ABCA7: variants seen among roughly 807,000 people sequenced by gnomAD.
The protein encoded by ABCA7 is phospholipid-transporting ATPase ABCA7.
ABCA7 carries 261 observed loss-of-function variants against 227.6 expected under a neutral mutation model. The ratio of observed to expected loss-of-function variants is 1.15; its 90% CI spans 1.04 to 1.27. The LOEUF is 1.27. ABCA7 is among the 50% of genes most tolerant of loss of function. The probability of loss-of-function intolerance (pLI) is 0.00; values close to 1 mark genes in which losing one functional copy is unlikely to be tolerated. For synonymous variants in ABCA7, 1,488 were observed against 1,279.7 expected, an observed-to-expected ratio of 1.16 and a Z score of -3.47; for missense variants, 3,331 against 2,924.5, an observed-to-expected ratio of 1.14 and a Z score of -3.21.
Position 1,054,466 on chromosome 19 carries a change from G to A in ABCA7, c.3727-104G>A. The A allele has an allele frequency of 1.3e-6, 2 of 1,561,458 alleles. No individual in the cohort carries two copies. Among genetic ancestry groups the A allele is most frequent in the Non-Finnish European group, 1.7e-6 (2 of 1,154,052 alleles). ...ATTCCCAACCCAAAGCACATTTATT[G>A]AGGGCACTGGGGAGCCATGGGTGGT... On this transcript the variant is annotated intron_variant, in intron 27 of 46. Coordinates refer to ENST00000263094, the MANE Select transcript of ABCA7 (RefSeq NM_019112.4). This position sits in a 1 kb window ranked among gnomAD's most constrained non-coding sequence, Gnocchi z 4.8.
Position 1,051,694 on chromosome 19 carries a change from C to G in ABCA7, c.2962+108C>G, listed in dbSNP as rs541674690. 3.4e-6 allele frequency: 4 copies of G among 1,190,360 alleles called. No homozygotes were observed. In the East Asian group the frequency reaches 7.6e-5, roughly 23 times the overall value. The allele number at this position is 1,190,360 out of a possible 1,614,324, so 73.7% of individuals were successfully genotyped here. A position where few individuals can be genotyped will look rare whatever the true frequency, so the allele number is the denominator to read the frequency against. Reference sequence around the variant, plus strand: ...AGGAGTTTGCTACATGTGGACCCCACTTGTTGCTATGGCATTTAGGGGCTA... The same window carrying G: ...AGGAGTTTGCTACATGTGGACCCCAGTTGTTGCTATGGCATTTAGGGGCTA... On this transcript the variant is annotated intron_variant, in intron 21 of 46. Coordinates refer to ENST00000263094, the MANE Select transcript of ABCA7 (RefSeq NM_019112.4).
chr19:1,063,145 G>A (rs113673278), intron 42 of ABCA7, among the ~76,000 whole-genome samples: 1 of 95,824 alleles, frequency 1.0e-5, no homozygotes, highest in African/African-American at 4.5e-5. Flanking sequence ...GTGTGGCCCC[G>A]CCCCATACTC....
Position 1,054,065 on chromosome 19 carries a change from C to A in ABCA7, c.3532C>A (p.Leu1178Ile), listed in dbSNP as rs770655459. Residue 1178 changes from leucine (L) to isoleucine (I), a missense_variant, in exon 26 of 47, where the codon CTC (leucine) becomes ATC (isoleucine). Coordinates refer to ENST00000263094, the MANE Select transcript of ABCA7 (RefSeq NM_019112.4). This position sits in a 1 kb window ranked among gnomAD's most constrained non-coding sequence, Gnocchi z 4.8. ...TGCTGGCCTAGACGTAACCCTACGGCTCAAGATGCCGCCACAGGAGACAGC... is the reference window on the plus strand; with the variant it reads ...TGCTGGCCTAGACGTAACCCTACGGATCAAGATGCCGCCACAGGAGACAGC... Reference protein sequence around the residue: ...GIAGLDVTLRLKMPPQETALE... With the variant: ...GIAGLDVTLRIKMPPQETALE... 3.7e-6 allele frequency: 6 copies of A among 1,613,342 alleles called. No individual in the cohort carries two copies. The highest frequency in any genetic ancestry group is 2.2e-5 in the South Asian group (2 of 91,086).
chr19:1,049,149 C>T lies in ABCA7; in HGVS notation c.2381-117C>T, dbSNP rs1240313582. ...GAAGACACTGCGGTCCCCAAGCTCCCGCAGCTTTTATAGGCCCCGGCCCAG... is the reference window on the plus strand; with the variant it reads ...GAAGACACTGCGGTCCCCAAGCTCCTGCAGCTTTTATAGGCCCCGGCCCAG... On this transcript the variant is annotated intron_variant, in intron 17 of 46. Transcript: ENST00000263094. 8 of 1,277,118 alleles carry T rather than the reference C, an allele frequency of 6.3e-6. No individual in the cohort carries two copies. The East Asian group carries it at 7.1e-5, about 11-fold the overall frequency. The allele number at this position is 1,277,118 out of a possible 1,614,324, so 79.1% of individuals were successfully genotyped here. A position where few individuals can be genotyped will look rare whatever the true frequency, so the allele number is the denominator to read the frequency against.
At chr19:1,040,307 C>G (rs1200307518) in intron 1 of ABCA7, 111 bp downstream of exon 1, 2 of 152,234 alleles carry the variant, frequency 1.3e-5, no homozygotes, top group Admixed American at 1.3e-4. Context: ...TGACCTCCTT[C>G]CGGTGAATGT....
intron 23 of ABCA7, 55 bp from the exon 24 acceptor site, chr19:1,053,274 A>T: frequency 6.5e-7 from 1 of 1,529,120 alleles, no homozygotes; most frequent in Non-Finnish European, 8.9e-7. Flanking sequence ...TTCCCCAGGG[A>T]GACTGGGGTG....
chr19:1,052,462 C>G (rs866037960), intron 23 of ABCA7, among the ~76,000 whole-genome samples, 176 bp downstream of exon 23: 1 of 660 alleles, frequency 1.5e-3, no homozygotes, highest in South Asian at 0.045. Flanking sequence ...GAAGGGGAGG[C>G]GAAGGGGAGG....
intron 7 of ABCA7, 38 bp from the exon 8 acceptor site, chr19:1,043,002 TG>T (rs1181635948): frequency 1.3e-6 from 2 of 1,564,992 alleles, no homozygotes; most frequent in African/African-American, 1.4e-5. Flanking sequence ...GGCTTGGAGG[TG>T]GGATCATTGC....
intron 21 of ABCA7, 136 bp from the exon 22 acceptor site, chr19:1,051,806 A>G: frequency 7.9e-7 from 1 of 1,273,734 alleles, no homozygotes; most frequent in East Asian, 2.4e-5. Context: ...GTTTCCAACA[A>G]GGAGGTTCTG....
intron 18 of ABCA7, among the ~76,000 whole-genome samples, chr19:1,050,017 C>CCTCCCTGTGAG (rs1303123785): frequency 2.9e-5 from 4 of 138,966 alleles, no homozygotes; most frequent in Admixed American, 2.8e-4. Flanking sequence ...CCCACCACTT[C>CCTCCCTGTGAG]CTCCCTGTGA....
chr19:1,053,857 C>T, intron 25 of ABCA7, 21 bp downstream of exon 25: 1 of 1,605,304 alleles, frequency 6.2e-7, no homozygotes, highest in Non-Finnish European at 8.5e-7. Flanking sequence ...AGCTCCCTGA[C>T]CCCTGACCCC....
intron 3 of ABCA7, 59 bp from the exon 4 acceptor site, chr19:1,041,772 C>T (rs2040059849): frequency 8.8e-6 from 14 of 1,594,368 alleles, no homozygotes; most frequent in South Asian, 3.3e-5. Context: ...CCGGGCGACC[C>T]GATGGGGGTG....
At chr19:1,046,128 G>A (rs952493390) in intron 12 of ABCA7, 102 bp from the exon 13 acceptor site, 2 of 1,343,906 alleles carry the variant, frequency 1.5e-6, no homozygotes, top group Non-Finnish European at 2.0e-6. Context: ...ACTCCAGCCT[G>A]GGCGACAGAG....
chr19:1,045,863 C>T (rs113105198), intron 12 of ABCA7, among the ~76,000 whole-genome samples: 5,374 of 152,238 alleles, frequency 0.035, 330 homozygotes, highest in African/African-American at 0.12. Context: ...AAAAATTAGC[C>T]GGGCGTGGTA....
intron 34 of ABCA7, 104 bp downstream of exon 34, chr19:1,057,188 T>C: frequency 6.4e-7 from 1 of 1,552,866 alleles, no homozygotes; most frequent in South Asian, 1.2e-5. Context: ...GGGTAAAGTC[T>C]TGAGGATTGT....
rs1465006190 is a variant in ABCA7 at position 1,045,467 on chromosome 19, T to C, written c.1445+236T>C. On this transcript the variant is annotated intron_variant, in intron 12 of 46. Coordinates refer to ENST00000263094, the MANE Select transcript of ABCA7 (RefSeq NM_019112.4). ...GCCTGAGATAAGATGAGAGCAGGTA[T>C]AGGTTGAGGGCAATGGTGGGCGGAG... 9.0e-6 allele frequency: 5 copies of C among 558,180 alleles called. No individual in the cohort carries two copies. In the East Asian group the frequency reaches 1.2e-4, roughly 13 times the overall value. The allele number at this position is 558,180 out of a possible 1,614,324, so 34.6% of individuals were successfully genotyped here.
chr19:1,062,060 CT>C, intron 41 of ABCA7, 111 bp from the exon 42 acceptor site: 14 of 1,518,794 alleles, frequency 9.2e-6, no homozygotes, highest in Middle Eastern at 1.8e-4. Flanking sequence ...TGAGACACCC[CT>C]GTCCCTTATC....
chr19:1,063,789 C>G lies in ABCA7; in HGVS notation c.5877C>G (p.Ser1959Arg). Residue 1959 changes from serine (S) to arginine (R), a missense_variant, in exon 44 of 47, where the codon AGC becomes AGG. Coordinates refer to ENST00000263094, the MANE Select transcript of ABCA7 (RefSeq NM_019112.4). The stretch of plus-strand genomic sequence containing the variant: ...AGCCGACCACAGGCATGGACCCCAG[C>G]GCGCGGCGCTTCCTTTGGAACAGCC... ...LDEPTTGMDP[S>R]ARRFLWNSLL... 1 of 1,546,836 alleles carries G rather than the reference C, an allele frequency of 6.5e-7. No homozygotes were observed. Among genetic ancestry groups the G allele is most frequent in the East Asian group, 2.4e-5 (1 of 41,040 alleles).
rs1455164248 is a variant in ABCA7 at position 1,056,303 on chromosome 19, G to A, written c.4417-27G>A. The A allele has an allele frequency of 8.7e-6, 14 of 1,609,112 alleles. No individual in the cohort carries two copies. Among genetic ancestry groups the A allele is most frequent in the Admixed American group, 1.7e-5 (1 of 59,862 alleles). On this transcript the variant is annotated intron_variant, in intron 32 of 46. Coordinates refer to ENST00000263094, the MANE Select transcript of ABCA7 (RefSeq NM_019112.4). The surrounding 1 kb of genome is among the most constrained non-coding windows in gnomAD (Gnocchi z 4.3). ...CAGCAAGGTCCAACCCCATTGCTCT[G>A]ACCCTATGACCTTGACCCCCACCCA...
Sources: gnomAD v4.1 joint callset for allele counts (sites outside exome capture counted in the v4.1 genomes callset) on GRCh38, gnomAD v4.1.1 for gene constraint, Gnocchi (gnomAD v3.1) non-coding constraint, MANE v1.5 for transcripts, NCBI Gene and HGNC (gene_info 2026-07-23, HGNC 2026-07-21) for gene names.